Variants in MED20 observed in about 807,000 individuals in gnomAD.
MED20 encodes the protein mediator of RNA polymerase II transcription subunit 20.
A neutral mutation model predicts 19.7 loss-of-function variants in MED20; 19 were observed. The ratio of observed to expected loss-of-function variants is 0.96; its 90% CI spans 0.67 to 1.42. The LOEUF is 1.42. MED20 is among the 40% of genes most tolerant of loss of function. The pLI, the probability that MED20 is intolerant of heterozygous loss-of-function variation, is 0.00. For synonymous variants in MED20, 105 were observed against 104.8 expected, an observed-to-expected ratio of 1.00 and a Z score of -0.01; for missense variants, 225 against 273.0, an observed-to-expected ratio of 0.82 and a Z score of 1.24.
At chr6:41,909,924 A>G (rs1775150021) in intron 2 of MED20, among the ~76,000 whole-genome samples, 1 of 152,230 alleles carries the variant, frequency 6.6e-6, no homozygotes. Flanking sequence ...GCATTTGGGC[A>G]TGCCAAAGGA....
chr6:41,909,309 G>C lies in MED20; in HGVS notation c.383C>G (p.Thr128Arg), dbSNP rs778656525. 1 of 1,614,050 alleles carries C rather than the reference G, an allele frequency of 6.2e-7. No individual in the cohort carries two copies. Among genetic ancestry groups the C allele is most frequent in the South Asian group, 1.1e-5 (1 of 91,080 alleles). ...CCGGGCACTGGGCCCCATTGTGACC[G>C]TGCCCACCTTCACCAGGAAGTCACA... ...QYCDFLVKVG[T>R]VTMGPSARGI... The change falls in exon 3 of 4, where the codon ACG becomes AGG. Residue 128 changes from threonine to arginine, a missense_variant. Transcript: ENST00000265350.
intron 2 of MED20, among the ~76,000 whole-genome samples, chr6:41,914,485 A>G (rs1278075381): frequency 3.9e-5 from 6 of 152,242 alleles, no homozygotes; most frequent in Non-Finnish European, 7.3e-5. Context: ...CTACAGGTAC[A>G]CAGTTAGAAT....
intron 1 of MED20, among the ~76,000 whole-genome samples, chr6:41,918,105 G>A (rs1264642692): frequency 6.6e-6 from 1 of 152,142 alleles, no homozygotes; most frequent in Non-Finnish European, 1.5e-5. Context: ...GTAACCAACT[G>A]CCAACCAACA....
chr6:41,912,051 TTC>T (rs1174796703), intron 2 of MED20, among the ~76,000 whole-genome samples: 3 of 149,524 alleles, frequency 2.0e-5, no homozygotes, highest in African/African-American at 7.5e-5. Context: ...TTTCCTTTTC[TTC>T]TTTTTTTTTT....
chr6:41,911,586 A>AT (rs1195500993), intron 2 of MED20, among the ~76,000 whole-genome samples: 1 of 152,214 alleles, frequency 6.6e-6, no homozygotes, highest in Admixed American at 6.5e-5. Flanking sequence ...AGGAAAAAAA[A>AT]GTAGGATTTG....
At chr6:41,908,656 A>T (rs2127374296) in intron 3 of MED20, among the ~76,000 whole-genome samples, 1 of 152,286 alleles carries the variant, frequency 6.6e-6, no homozygotes, top group African/African-American at 2.4e-5. Flanking sequence ...GTCATGGGTG[A>T]CTGTCCCTCC....
intron 2 of MED20, among the ~76,000 whole-genome samples, chr6:41,911,410 G>A (rs924604976): frequency 2.0e-5 from 3 of 151,946 alleles, no homozygotes; most frequent in Admixed American, 6.6e-5. Flanking sequence ...CTCAGCCTCC[G>A]AAAGGGCTGG....
In MED20 at chr6:41,909,488, G is replaced by A. The variant is rs1240484366; in HGVS notation, c.204C>T (p.Asn68=). The change falls in exon 3 of 4, where the codon AAC becomes AAT. Residue 68 remains asparagine, a synonymous_variant. Coordinates refer to ENST00000265350, the MANE Select transcript of MED20 (RefSeq NM_004275.5). The part of the protein sequence containing the change: ...QTGKLMYVMH[N]SEYPLSCFAL... ...CGAAACAGCTCAATGGGTACTCTGA[G>A]TTGTGCATCACATACATCAGCTTCC... is the stretch of plus-strand genomic sequence containing the variant. 1 of 1,614,140 alleles carries A rather than the reference G, an allele frequency of 6.2e-7. No individual in the cohort carries two copies. Among genetic ancestry groups the A allele is most frequent in the East Asian group, 2.2e-5 (1 of 44,902 alleles).
intron 1 of MED20, 123 bp from the exon 2 acceptor site, chr6:41,917,062 T>G: frequency 9.7e-7 from 1 of 1,035,566 alleles, no homozygotes; most frequent in Non-Finnish European, 1.4e-6. Context: ...TTACCTACTC[T>G]GACCGTCTCC....
intron 3 of MED20, 49 bp from the exon 4 acceptor site, chr6:41,907,336 G>C (rs2127373499): frequency 1.3e-6 from 2 of 1,536,492 alleles, no homozygotes; most frequent in Middle Eastern, 1.7e-4. Context: ...GCTAAGACAA[G>C]GTCTGCTTCT....
chr6:41,916,848 G>C lies in MED20; in HGVS notation c.106C>G (p.Gln36Glu). Reference protein sequence around the residue: ...RKLEMLGAEKQGTFCVDCETY... With the variant: ...RKLEMLGAEKEGTFCVDCETY... Reference sequence around the variant, plus strand: ...TCACAGTCCACACAAAATGTTCCTTGCTTCTCTGCCCCAAGCATCTCCAAT... The same window carrying C: ...TCACAGTCCACACAAAATGTTCCTTCCTTCTCTGCCCCAAGCATCTCCAAT... The change falls in exon 2 of 4, where the codon CAA (glutamine) becomes GAA (glutamate). Residue 36 changes from glutamine to glutamate, a missense_variant. By Grantham distance (29) the Gln-to-Glu change is conservative. Transcript: ENST00000265350. The C allele has an allele frequency of 6.2e-7, 1 of 1,614,062 alleles. No individual in the cohort carries two copies. Among genetic ancestry groups the C allele is most frequent in the Non-Finnish European group, 8.5e-7 (1 of 1,180,002 alleles).
intron 1 of MED20, 73 bp downstream of exon 1, chr6:41,920,932 A>G: frequency 6.4e-7 from 1 of 1,559,636 alleles, no homozygotes; most frequent in East Asian, 2.4e-5. Context: ...AGGACGGCGG[A>G]CCATGGTCAA....
At position 41,916,673 on chromosome 6, in the gene MED20, C is replaced by CATTGA. The variant is rs2127380050; in HGVS notation, c.169+111_169+112insTCAAT. On this transcript the variant is annotated intron_variant, in intron 2 of 3. Transcript: ENST00000265350. ...TAATGACGTCAAAAACACATCTCGC[C>CATTGA]ACATGTTTAAGAATACCACCTTTAG... The CATTGA allele has an allele frequency of 2.3e-6, 3 of 1,332,998 alleles. No individual in the cohort carries two copies. The East Asian group carries it at 7.0e-5, about 31-fold the overall frequency. 82.6% of individuals were successfully genotyped at this position (1,332,998 alleles called of 1,614,324 possible).
At chr6:41,912,047 TTTC>T (rs926457232) in intron 2 of MED20, among the ~76,000 whole-genome samples, 10 of 150,498 alleles carry the variant, frequency 6.6e-5, no homozygotes, top group African/African-American at 2.5e-4. Flanking sequence ...ACATTTTCCT[TTTC>T]TTCTTTTTTT....
In MED20 at chr6:41,905,423, A is replaced by C. The variant is rs558587913; in HGVS notation, c.*1649T>G. 6.6e-6 allele frequency: 1 copy of C among 152,324 alleles called. No homozygotes were observed. The highest frequency in any genetic ancestry group is 2.4e-5 in the African/African-American group (1 of 41,568). 9.4% of individuals were successfully genotyped at this position (152,324 alleles called of 1,614,324 possible). On this transcript the variant is annotated 3_prime_UTR_variant, in exon 4 of 4. Coordinates refer to ENST00000265350, the MANE Select transcript of MED20 (RefSeq NM_004275.5). ...CCTCAATATAAAAAACCAGAAACAAAATAACAAAAACGGGGTGAGAACAAA... is the reference window on the plus strand; with the variant it reads ...CCTCAATATAAAAAACCAGAAACAACATAACAAAAACGGGGTGAGAACAAA...
At chr6:41,911,384 C>T (rs1345565365) in intron 2 of MED20, among the ~76,000 whole-genome samples, 3 of 151,968 alleles carry the variant, frequency 2.0e-5, no homozygotes, top group African/African-American at 7.2e-5. Flanking sequence ...CTCCTGACCT[C>T]AGGTGATCTG....
chr6:41,917,915 C>A (rs577293289), intron 1 of MED20: 31 of 338,460 alleles, frequency 9.2e-5, no homozygotes, highest in African/African-American at 6.5e-4. Context: ...TATTCAACAG[C>A]CCTAGGAACA....
chr6:41,920,933 C>G (rs1775447796), intron 1 of MED20, 72 bp downstream of exon 1: 1 of 1,561,436 alleles, frequency 6.4e-7, no homozygotes, highest in Admixed American at 1.8e-5. Context: ...GGACGGCGGA[C>G]CATGGTCAAG....
At chr6:41,917,714 GA>G in intron 1 of MED20, 1 of 467,382 alleles carries the variant, frequency 2.1e-6, no homozygotes, top group Non-Finnish European at 4.5e-6. Context: ...GTCATATAAT[GA>G]AAAAGGGATT....
Sources: allele counts gnomAD v4.1 joint callset (sites outside exome capture counted in the v4.1 genomes callset), GRCh38; gene constraint gnomAD v4.1.1; transcripts MANE v1.5; gene names NCBI Gene and HGNC (gene_info 2026-07-23, HGNC 2026-07-21).